The following GMDS variants were observed in gnomAD, a reference collection of about 807,000 sequenced individuals.
The protein encoded by GMDS is GDP-mannose 4,6-dehydratase.
Under a neutral mutation model 49.9 loss-of-function variants are expected in GMDS, and 20 were observed. That is an observed-to-expected ratio of 0.40 (90% CI 0.28 to 0.58). The LOEUF is 0.58. Among genes scored for constraint, GMDS ranks in the 20% least tolerant of loss-of-function variants. The pLI, the probability that GMDS is intolerant of heterozygous loss-of-function variation, is 0.42. For synonymous variants in GMDS, 177 were observed against 178.6 expected (o/e 0.99, Z 0.07); for missense variants, 362 against 481.4 (o/e 0.75, Z 2.32).
At chr6:1,915,234 G>A (rs1401964458) in intron 7 of GMDS, among the ~76,000 whole-genome samples, 1 of 152,250 alleles carries the variant, frequency 6.6e-6, no homozygotes, top group African/African-American at 2.4e-5. Context: ...TCAAGACGCT[G>A]TGAGAGATGC....
intron 7 of GMDS, among the ~76,000 whole-genome samples, chr6:1,796,909 G>A (rs901111767): frequency 7.9e-5 from 12 of 152,324 alleles, no homozygotes; most frequent in Admixed American, 2.0e-4. Flanking sequence ...CTGATTCAGT[G>A]AGGAATGTTT....
At position 1,623,817 on chromosome 6, in the gene GMDS, A is replaced by G; in HGVS notation, c.*352T>C. On this transcript the variant is annotated 3_prime_UTR_variant, in exon 11 of 11. Coordinates refer to ENST00000380815, the MANE Select transcript of GMDS (RefSeq NM_001500.4). The stretch of plus-strand genomic sequence containing the variant: ...ACTGACCCTGTGAATGCTAGTTCAC[A>G]GAAAGACCATTTTTAATATGAAAAG... 3.5e-6 allele frequency: 1 copy of G among 287,280 alleles called. No individual in the cohort carries two copies. 17.8% of individuals were successfully genotyped at this position (287,280 alleles called of 1,614,324 possible).
chr6:1,940,202 T>A, intron 6 of GMDS, among the ~76,000 whole-genome samples: 1 of 150,314 alleles, frequency 6.7e-6, no homozygotes. Context: ...TACATACATA[T>A]CTAAACATTA....
intron 7 of GMDS, among the ~76,000 whole-genome samples, chr6:1,877,738 G>A (rs1050921814): frequency 1.2e-4 from 18 of 151,648 alleles, no homozygotes; most frequent in South Asian, 4.2e-4. Context: ...TGGCAGCTGC[G>A]TTGTTTCTCT....
At chr6:1,776,614 AG>A (rs1200933921) in intron 7 of GMDS, among the ~76,000 whole-genome samples, 2 of 152,034 alleles carry the variant, frequency 1.3e-5, no homozygotes, top group African/African-American at 4.8e-5. Flanking sequence ...CAGGAGTTGG[AG>A]GCTGCAGTGA....
rs1169868623 is a variant in GMDS, at chr6:2,191,262, C to T, written c.102+54059G>A. Among the ~76,000 whole-genome samples the T allele has an allele frequency of 6.6e-6, 1 of 152,130 alleles. No homozygotes were observed. The highest frequency in any genetic ancestry group is 2.4e-5 in the African/African-American group (1 of 41,430). On this transcript the variant is annotated intron_variant, in intron 1 of 10. Coordinates refer to ENST00000380815, the MANE Select transcript of GMDS (RefSeq NM_001500.4). This position sits in a 1 kb window ranked among gnomAD's most constrained non-coding sequence, Gnocchi z 4.6. ...CTGGAGGCACCCCCTGGGGAAGGGC[C>T]GCAAGCGGGATGAGGGGGAGCTCTA... is the stretch of plus-strand genomic sequence containing the variant.
At chr6:2,048,259 T>G (rs1770148131) in intron 4 of GMDS, among the ~76,000 whole-genome samples, 1 of 152,240 alleles carries the variant, frequency 6.6e-6, no homozygotes, top group Non-Finnish European at 1.5e-5. Context: ...ATTTTTTCTT[T>G]CACATTCTAT....
chr6:1,912,658 A>G (rs980504739), intron 7 of GMDS, among the ~76,000 whole-genome samples: 1 of 152,206 alleles, frequency 6.6e-6, no homozygotes, highest in African/African-American at 2.4e-5. Flanking sequence ...TGGGATGTGC[A>G]CAGACCAAAA....
intron 2 of GMDS, among the ~76,000 whole-genome samples, chr6:2,118,698 C>T (rs1171667625): frequency 6.6e-6 from 1 of 152,124 alleles, no homozygotes; most frequent in Non-Finnish European, 1.5e-5. Flanking sequence ...CACTCATCAA[C>T]ATTATTTTCC....
intron 6 of GMDS, among the ~76,000 whole-genome samples, chr6:1,937,111 T>A (rs1161208190): frequency 6.6e-6 from 1 of 152,338 alleles, no homozygotes; most frequent in African/African-American, 2.4e-5. Context: ...TTCAGTAATC[T>A]GCTGTCCCAG....
chr6:1,927,995 C>T (rs1170028019), intron 7 of GMDS, among the ~76,000 whole-genome samples: 3 of 152,174 alleles, frequency 2.0e-5, no homozygotes, highest in Non-Finnish European at 2.9e-5. Context: ...TCCTTTTTCA[C>T]CTACGTGCAA....
chr6:1,658,915 G>C (rs962150227), intron 9 of GMDS, among the ~76,000 whole-genome samples: 3 of 152,234 alleles, frequency 2.0e-5, no homozygotes, highest in African/African-American at 7.2e-5. Flanking sequence ...CTCTCACAAG[G>C]CTGTGAGGGG....
chr6:2,241,655 C>T (rs1781620543), intron 1 of GMDS, among the ~76,000 whole-genome samples: 1 of 152,182 alleles, frequency 6.6e-6, no homozygotes, highest in South Asian at 2.1e-4. Context: ...TGGCACCCCA[C>T]ACCCCACCCC....
intron 7 of GMDS, among the ~76,000 whole-genome samples, chr6:1,891,558 T>C (rs1460125600): frequency 6.6e-6 from 1 of 152,214 alleles, no homozygotes; most frequent in Non-Finnish European, 1.5e-5. Flanking sequence ...AAGTACTTGA[T>C]CTCCTAATTT....
chr6:1,912,780 C>T (rs988091475), intron 7 of GMDS, among the ~76,000 whole-genome samples: 10 of 152,142 alleles, frequency 6.6e-5, no homozygotes, highest in African/African-American at 2.2e-4. Context: ...AATAAGTGCA[C>T]ACTTGGTCAG....
At chr6:1,839,133 G>C (rs1185920887) in intron 7 of GMDS, among the ~76,000 whole-genome samples, 2 of 151,728 alleles carry the variant, frequency 1.3e-5, no homozygotes, top group African/African-American at 4.8e-5. Context: ...ATTAATCACA[G>C]AGAAAATTTT....
intron 8 of GMDS, among the ~76,000 whole-genome samples, chr6:1,737,831 CCACA>C (rs60568944): frequency 7.0e-6 from 1 of 143,270 alleles, no homozygotes; most frequent in Admixed American, 6.9e-5. Context: ...CAAAGACACA[CCACA>C]CACACAGATA....
At chr6:2,016,087 T>TTAA (rs1554147167) in intron 4 of GMDS, among the ~76,000 whole-genome samples, 1 of 134,738 alleles carries the variant, frequency 7.4e-6, no homozygotes, top group Non-Finnish European at 1.6e-5. Context: ...AAAAATAAAT[T>TTAA]AAAAAAAAAA....
intron 4 of GMDS, among the ~76,000 whole-genome samples, chr6:2,072,717 C>T (rs1772089226): frequency 6.6e-6 from 1 of 152,138 alleles, no homozygotes; most frequent in Admixed American, 6.5e-5. Context: ...CTTTCAAGAC[C>T]ATTTCATCAG....
Sources: gnomAD v4.1 joint callset for allele counts (sites outside exome capture counted in the v4.1 genomes callset) on GRCh38, gnomAD v4.1.1 for gene constraint, Gnocchi (gnomAD v3.1) non-coding constraint, MANE v1.5 for transcripts, NCBI Gene and HGNC (gene_info 2026-07-23, HGNC 2026-07-21) for gene names.